Variants in IQCF2 observed in about 807,000 individuals in gnomAD.
IQCF2 encodes the protein IQ motif containing F2, also known as IQ domain-containing protein F2.
A neutral mutation model predicts 7.0 loss-of-function variants in IQCF2; 6 were observed. The observed-to-expected ratio is 0.86, with a 90% CI of 0.47 to 1.70. IQCF2 has a LOEUF of 1.70. IQCF2 is among the 40% of genes most tolerant of loss of function. The pLI is 0.01. For missense variants in IQCF2, 174 were observed against 204.6 expected, an observed-to-expected ratio of 0.85 and a Z score of 0.91; for synonymous variants, 67 against 74.0, an observed-to-expected ratio of 0.91 and a Z score of 0.48.
rs1044655973 is a variant in IQCF2, at chr3:51,863,300, C to T, written c.425C>T (p.Ala142Val). Residue 142 changes from alanine (A) to valine (V), a missense_variant, in exon 3 of 3, where the codon GCT (alanine) becomes GTT (valine). By Grantham distance (64) the Ala-to-Val change is moderately conservative. Transcript: ENST00000333127. ...HWQCHNCQTC[A>V]LLQGHCVVTA... ...CAATGCCACAACTGCCAGACCTGCG[C>T]TCTCCTCCAGGGCCACTGTGTGGTC... 5.0e-6 allele frequency: 8 copies of T among 1,614,068 alleles called. No homozygotes were observed. Among genetic ancestry groups the T allele is most frequent in the African/African-American group, 1.3e-5 (1 of 74,926 alleles).
intron 2 of IQCF2, 141 bp from the exon 3 acceptor site, chr3:51,862,846 C>T: frequency 2.0e-6 from 2 of 994,070 alleles, no homozygotes; most frequent in East Asian, 2.4e-5. Context: ...GGTCTGATGG[C>T]TCCTAGTCAG....
rs1023942628 is a variant in IQCF2, at chr3:51,863,142, G to A, written c.267G>A (p.Arg89=). The change falls in exon 3 of 3, where the codon CGG becomes CGA. Residue 89 remains arginine (R), a synonymous_variant. Coordinates refer to ENST00000333127, the MANE Select transcript of IQCF2 (RefSeq NM_203424.2). ...MTLSRVLEKK[R]QAALIAYATR... ...TGTCGAGGGTGCTGGAGAAGAAACG[G>A]CAGGCAGCTCTGATCGCCTACGCAA... 6.2e-7 allele frequency: 1 copy of A among 1,614,192 alleles called. No individual in the cohort carries two copies. The highest frequency in any genetic ancestry group is 8.5e-7 in the Non-Finnish European group (1 of 1,180,036).
chr3:51,861,623 G>A lies in IQCF2; in HGVS notation c.-44G>A, dbSNP rs748552353. On this transcript the variant is annotated 5_prime_UTR_variant, in exon 1 of 3. Transcript: ENST00000333127. Reference sequence around the variant, plus strand: ...CTCACGTTACTCATGCCAGACCTTGGGAAGCAGAGAAATCAGGGCTAATGA... The same window carrying A: ...CTCACGTTACTCATGCCAGACCTTGAGAAGCAGAGAAATCAGGGCTAATGA... 11 of 1,612,834 alleles carry A rather than the reference G, an allele frequency of 6.8e-6. No homozygotes were observed. Among genetic ancestry groups the A allele is most frequent in the Non-Finnish European group, 9.3e-6 (11 of 1,178,950 alleles).
At chr3:51,861,794 A>G (rs1276210539) in intron 1 of IQCF2, 64 bp from the exon 2 acceptor site, 5 of 1,562,088 alleles carry the variant, frequency 3.2e-6, no homozygotes, top group African/African-American at 2.7e-5. Context: ...TTGTCTTTGT[A>G]TAGAGCCATA....
intron 2 of IQCF2, among the ~76,000 whole-genome samples, chr3:51,862,602 T>G (rs1292417356): frequency 6.6e-6 from 1 of 152,088 alleles, no homozygotes. Context: ...AGTGGTGGTT[T>G]GGGGCTGGAA....
chr3:51,863,399 T>C lies in IQCF2; in HGVS notation c.*29T>C, dbSNP rs1488324853. 2 of 1,600,038 alleles carry C rather than the reference T, an allele frequency of 1.2e-6. No homozygotes were observed. Among genetic ancestry groups the C allele is most frequent in the African/African-American group, 1.3e-5 (1 of 74,500 alleles). On this transcript the variant is annotated 3_prime_UTR_variant, in exon 3 of 3. Transcript: ENST00000333127. ...CTGGCAAGAAGGGCACTGTGTCTAC[T>C]GTCCCTATTAAAGGTCTAACCTGGT...
In IQCF2 at chr3:51,863,253, C is replaced by A. The variant is rs745629266; in HGVS notation, c.378C>A (p.Ile126=). The A allele has an allele frequency of 6.2e-7, 1 of 1,614,106 alleles. No individual in the cohort carries two copies. Among genetic ancestry groups the A allele is most frequent in the African/African-American group, 1.3e-5 (1 of 74,944 alleles). Residue 126 remains isoleucine, a synonymous_variant, in exon 3 of 3, where the codon ATC becomes ATA. Coordinates refer to ENST00000333127, the MANE Select transcript of IQCF2 (RefSeq NM_203424.2). The part of the protein sequence containing the change: ...RWRYCQVLNA[I]YIIQGHWQCH... ...GATACTGCCAGGTGCTCAATGCCATCTACATCATCCAGGGCCACTGGCAAT... is the reference window on the plus strand; with the variant it reads ...GATACTGCCAGGTGCTCAATGCCATATACATCATCCAGGGCCACTGGCAAT...
Position 51,861,862 on chromosome 3 carries a change from A to G in IQCF2, c.23A>G (p.Lys8Arg). 2 of 1,613,302 alleles carry G rather than the reference A, an allele frequency of 1.2e-6. No individual in the cohort carries two copies. The highest frequency in any genetic ancestry group is 1.6e-4 in the Middle Eastern group (1 of 6,062). MRVRFCT[K>R]GNLILVIIED... ...CCCATTTAATTCTGATGACAGACCAAAGGCAATTTAATTTTGGTTATAATT... is the reference window on the plus strand; with the variant it reads ...CCCATTTAATTCTGATGACAGACCAGAGGCAATTTAATTTTGGTTATAATT... Residue 8 changes from lysine to arginine, a missense_variant, in exon 2 of 3, where the codon AAA becomes AGA. Lys to Arg is a conservative substitution (Grantham distance 26). Coordinates refer to ENST00000333127, the MANE Select transcript of IQCF2 (RefSeq NM_203424.2).
In IQCF2 at chr3:51,863,039, G is replaced by A. The variant is rs759436786; in HGVS notation, c.164G>A (p.Arg55Gln). 27 of 1,613,902 alleles carry A rather than the reference G, an allele frequency of 1.7e-5. No homozygotes were observed. In the Admixed American group the frequency reaches 3.3e-4, roughly 20 times the overall value. The stretch of plus-strand genomic sequence containing the variant: ...GCTGTAAAGATCCAGGCCTGGTGGC[G>A]GGGCACCCTGGTGCGCAGGACACTG... ...KAAVKIQAWW[R>Q]GTLVRRTLLH... is the part of the protein sequence containing the mutation. Residue 55 changes from arginine to glutamine, a missense_variant, in exon 3 of 3, where the codon CGG (arginine) becomes CAG (glutamine). Transcript: ENST00000333127.
At chr3:51,862,846 C>A in intron 2 of IQCF2, 141 bp from the exon 3 acceptor site, 1 of 994,068 alleles carries the variant, frequency 1.0e-6, no homozygotes, top group Non-Finnish European at 1.5e-6. Context: ...GGTCTGATGG[C>A]TCCTAGTCAG....
At position 51,863,259 on chromosome 3, in the gene IQCF2, C is replaced by A. The variant is rs1187335856; in HGVS notation, c.384C>A (p.Ile128=). The A allele has an allele frequency of 6.2e-7, 1 of 1,614,230 alleles. No homozygotes were observed. Among genetic ancestry groups the A allele is most frequent in the Non-Finnish European group, 8.5e-7 (1 of 1,180,044 alleles). The change falls in exon 3 of 3, where the codon ATC becomes ATA. Residue 128 remains isoleucine, a synonymous_variant. Coordinates refer to ENST00000333127, the MANE Select transcript of IQCF2 (RefSeq NM_203424.2). ...RYCQVLNAIY[I]IQGHWQCHNC... The stretch of plus-strand genomic sequence containing the variant: ...GCCAGGTGCTCAATGCCATCTACAT[C>A]ATCCAGGGCCACTGGCAATGCCACA...
chr3:51,861,756 G>A, intron 1 of IQCF2, 72 bp downstream of exon 1: 1 of 1,587,618 alleles, frequency 6.3e-7, no homozygotes, highest in Non-Finnish European at 8.7e-7. Flanking sequence ...TACAGGACTT[G>A]AGAAAAGAGA....
At chr3:51,862,898 T>C in intron 2 of IQCF2, 89 bp from the exon 3 acceptor site, 1 of 1,459,524 alleles carries the variant, frequency 6.9e-7, no homozygotes, top group Non-Finnish European at 9.2e-7. Flanking sequence ...GGGCTGTGTT[T>C]TGAGAGAGAA....
At position 51,862,099 on chromosome 3, in the gene IQCF2, G is replaced by C. The variant is rs545790585; in HGVS notation, c.111+149G>C. Reference sequence around the variant, plus strand: ...TTCCTCCATTCTCTTCTCAGTCTGGGCTGTCTGGATCTGGGCCTGACTGAG... The same window carrying C: ...TTCCTCCATTCTCTTCTCAGTCTGGCCTGTCTGGATCTGGGCCTGACTGAG... On this transcript the variant is annotated intron_variant, in intron 2 of 2. Coordinates refer to ENST00000333127, the MANE Select transcript of IQCF2 (RefSeq NM_203424.2). The C allele has an allele frequency of 4.7e-6, 3 of 633,140 alleles. No homozygotes were observed. In the African/African-American group the frequency reaches 5.5e-5, roughly 12 times the overall value. The allele number at this position is 633,140 out of a possible 1,614,324, so 39.2% of individuals were successfully genotyped here. A position where few individuals can be genotyped will look rare whatever the true frequency, so the allele number is the denominator to read the frequency against.
chr3:51,862,997 GAATAAGAACAAAAGC>G lies in IQCF2; in HGVS notation c.124_138del (p.Ile42_Ala46del). The stretch of plus-strand genomic sequence containing the variant: ...CTTGTCTCTGCCTAGGAAAAACTTA[GAATAAGAACAAAAGC>G]AGCTGTAAAGATCCAGGCCTGGTGG... On this transcript the variant is annotated inframe_deletion, in exon 3 of 3. Coordinates refer to ENST00000333127, the MANE Select transcript of IQCF2 (RefSeq NM_203424.2). 6.2e-7 allele frequency: 1 copy of G among 1,603,818 alleles called. No homozygotes were observed. Among genetic ancestry groups the G allele is most frequent in the Non-Finnish European group, 8.5e-7 (1 of 1,173,250 alleles).
At chr3:51,862,903 A>G in intron 2 of IQCF2, 84 bp from the exon 3 acceptor site, 1 of 1,468,900 alleles carries the variant, frequency 6.8e-7, no homozygotes, top group Non-Finnish European at 9.1e-7. Context: ...GTGTTTTGAG[A>G]GAGAAAATCC....
intron 2 of IQCF2, 96 bp downstream of exon 2, chr3:51,862,046 T>C: frequency 1.2e-6 from 1 of 840,302 alleles, no homozygotes; most frequent in Non-Finnish European, 1.9e-6. Flanking sequence ...AGGGTCTAAT[T>C]AGGAGTCAAC....
At position 51,863,061 on chromosome 3, in the gene IQCF2, A is replaced by G. The variant is rs1373416510; in HGVS notation, c.186A>G (p.Thr62=). Residue 62 remains threonine (T), a synonymous_variant, in exon 3 of 3, where the codon ACA becomes ACG. Coordinates refer to ENST00000333127, the MANE Select transcript of IQCF2 (RefSeq NM_203424.2). ...GGCGGGGCACCCTGGTGCGCAGGAC[A>G]CTGCTGCATGCAGCCCTCAGGGCCT... is the stretch of plus-strand genomic sequence containing the variant. The part of the protein sequence containing the change: ...AWWRGTLVRR[T]LLHAALRAWI... The G allele has an allele frequency of 6.2e-7, 1 of 1,614,252 alleles. No individual in the cohort carries two copies. Among genetic ancestry groups the G allele is most frequent in the Non-Finnish European group, 8.5e-7 (1 of 1,180,046 alleles).
chr3:51,862,281 C>T (rs1048690608), intron 2 of IQCF2, among the ~76,000 whole-genome samples: 1 of 151,678 alleles, frequency 6.6e-6, no homozygotes, highest in African/African-American at 2.4e-5. Context: ...TGCCTGTAGT[C>T]CCAGCTATGC....
Sources: gnomAD v4.1 joint callset for allele counts (sites outside exome capture counted in the v4.1 genomes callset) on GRCh38, gnomAD v4.1.1 for gene constraint, MANE v1.5 for transcripts, NCBI Gene and HGNC (gene_info 2026-07-23, HGNC 2026-07-21) for gene names.